Variants in ZNF44 observed in about 807,000 individuals in gnomAD.
ZNF44 encodes the protein zinc finger protein 44, also known as gonadotropin inducible transcription repressor-2.
In ZNF44, 9 loss-of-function variants were observed where a neutral mutation model predicts 11.7. The observed-to-expected ratio is 0.77, with a 90% CI of 0.46 to 1.35. The LOEUF is 1.35. ZNF44 is among the 40% of genes most tolerant of loss of function. ZNF44 has a pLI of 0.00. For missense variants in ZNF44, 696 were observed against 743.1 expected (o/e 0.94, Z 0.74); for synonymous variants, 224 against 242.7 (o/e 0.92, Z 0.72).
chr19:12,236,965 A>T (rs1444915550), intron 1 of ZNF44: 1 of 152,242 alleles, frequency 6.6e-6, no homozygotes, highest in Non-Finnish European at 1.5e-5. Context: ...CATACACCTT[A>T]TAAAAGCCTT....
intron 1 of ZNF44, chr19:12,284,653 G>A (rs1315655198): frequency 9.3e-6 from 7 of 756,522 alleles, no homozygotes; most frequent in Admixed American, 2.0e-5. Flanking sequence ...AAGCAGACCC[G>A]TGCCGGCCAG....
chr19:12,267,618 A>ATTT (rs1917783247), downstream of ZNF44, among the ~76,000 whole-genome samples: 1 of 152,038 alleles, frequency 6.6e-6, no homozygotes, highest in African/African-American at 2.4e-5. Flanking sequence ...TGAGGCAGAG[A>ATTT]AACCTAAGGA....
chr19:12,285,163 C>T, intron 1 of ZNF44: 4 of 560,272 alleles, frequency 7.1e-6, no homozygotes, highest in Non-Finnish European at 1.3e-5. Context: ...AGGACCCAGG[C>T]TCCAGCTGTG....
In ZNF44 at chr19:12,294,676, G is replaced by T; in HGVS notation, c.3+16C>A. On this transcript the variant is annotated intron_variant, in intron 1 of 3. Coordinates refer to ENST00000355684, the MANE Select transcript of ZNF44 (RefSeq NM_016264.4). ...CCCTTCGCCCTGCCTCAGGACGCCG[G>T]GCCCCGCACACTCACCATTTCCCGG... The T allele has an allele frequency of 6.4e-7, 1 of 1,559,858 alleles. No individual in the cohort carries two copies. The highest frequency in any genetic ancestry group is 8.7e-7 in the Non-Finnish European group (1 of 1,153,048).
At chr19:12,290,945 A>C (rs1967984942) in intron 1 of ZNF44, 1 of 191,220 alleles carries the variant, frequency 5.2e-6, no homozygotes, top group Non-Finnish European at 1.1e-5. Context: ...GTGGATTTAA[A>C]ACATAAAACA....
chr19:12,292,464 T>C (rs908653388), intron 1 of ZNF44, among the ~76,000 whole-genome samples: 2 of 152,108 alleles, frequency 1.3e-5, no homozygotes, highest in Non-Finnish European at 2.9e-5. Flanking sequence ...AAAAATTAAA[T>C]TGGAAATAAC....
At chr19:12,249,590 T>C (rs1415339808) in intron 7 of ZNF44, among the ~76,000 whole-genome samples, 1 of 152,132 alleles carries the variant, frequency 6.6e-6, no homozygotes, top group Admixed American at 6.5e-5. Flanking sequence ...TTCACTCTTG[T>C]TGCCCAGGCT....
chr19:12,277,247 T>C (rs1204552566), intron 1 of ZNF44, among the ~76,000 whole-genome samples: 1 of 152,228 alleles, frequency 6.6e-6, no homozygotes, highest in Non-Finnish European at 1.5e-5. Flanking sequence ...AGCTGGTGAC[T>C]GGTTCCCTGT....
chr19:12,241,649 C>T (rs896901613), upstream of ZNF44, among the ~76,000 whole-genome samples: 6 of 152,108 alleles, frequency 3.9e-5, no homozygotes, highest in East Asian at 1.9e-4. Flanking sequence ...GAGCCAAGAT[C>T]GCACCACTGC....
In ZNF44 at chr19:12,272,271, G is replaced by T; in HGVS notation, c.*136C>A. 7.6e-7 allele frequency: 1 copy of T among 1,320,300 alleles called. No homozygotes were observed. The highest frequency in any genetic ancestry group is 9.6e-7 in the Non-Finnish European group (1 of 1,037,528). The allele number at this position is 1,320,300 out of a possible 1,614,324, so 81.8% of individuals were successfully genotyped here. A position where few individuals can be genotyped will look rare whatever the true frequency, so the allele number is the denominator to read the frequency against. ...GCCCTCCTCGGCCTCTCAAAGTGCTGGGATTACAGGTGTGAGCCGCTGCGC... is the reference window on the plus strand; with the variant it reads ...GCCCTCCTCGGCCTCTCAAAGTGCTTGGATTACAGGTGTGAGCCGCTGCGC... On this transcript the variant is annotated 3_prime_UTR_variant, in exon 4 of 4. Transcript: ENST00000355684.
At chr19:12,294,415 G>A (rs56832217) in intron 1 of ZNF44, among the ~76,000 whole-genome samples, 27,711 of 152,260 alleles carry the variant, frequency 0.18, 2,607 homozygotes, top group East Asian at 0.28. Flanking sequence ...CACAATCTGG[G>A]GAGAAGCGGG....
At chr19:12,254,536 T>TA (rs1444114176) in intron 5 of ZNF44, among the ~76,000 whole-genome samples, 2 of 151,942 alleles carry the variant, frequency 1.3e-5, no homozygotes, top group African/African-American at 4.8e-5. Context: ...AGTTCGAGAC[T>TA]ACTCTGGCCA....
At position 12,294,673 on chromosome 19, in the gene ZNF44, C is replaced by T; in HGVS notation, c.3+19G>A. Reference sequence around the variant, plus strand: ...CAGCCCTTCGCCCTGCCTCAGGACGCCGGGCCCCGCACACTCACCATTTCC... The same window carrying T: ...CAGCCCTTCGCCCTGCCTCAGGACGTCGGGCCCCGCACACTCACCATTTCC... On this transcript the variant is annotated intron_variant, in intron 1 of 3. Transcript: ENST00000355684. 6.4e-7 allele frequency: 1 copy of T among 1,559,064 alleles called. No homozygotes were observed. The highest frequency in any genetic ancestry group is 1.2e-5 in the South Asian group (1 of 84,436).
chr19:12,243,745 ATT>A (rs1916693487), downstream of ZNF44, among the ~76,000 whole-genome samples: 1 of 147,800 alleles, frequency 6.8e-6, no homozygotes, highest in East Asian at 2.0e-4. Context: ...GAACCTCCAT[ATT>A]GTTTTTCACA....
chr19:12,284,217 C>G (rs1967617053), intron 1 of ZNF44: 1 of 294,276 alleles, frequency 3.4e-6, no homozygotes, highest in South Asian at 5.5e-5. Context: ...GTATGTTCAA[C>G]ATGAATGCTA....
intron 1 of ZNF44, among the ~76,000 whole-genome samples, chr19:12,288,356 GCAATTTCACT>G (rs1205769815): frequency 6.6e-6 from 1 of 152,032 alleles, no homozygotes; most frequent in East Asian, 1.9e-4. Flanking sequence ...TTTAATTTGT[GCAATTTCACT>G]CTAATTAAAC....
intron 5 of ZNF44, among the ~76,000 whole-genome samples, chr19:12,251,529 C>G (rs1916995989): frequency 1.3e-5 from 2 of 152,008 alleles, no homozygotes; most frequent in African/African-American, 4.8e-5. Flanking sequence ...TTCTTTCTGT[C>G]CCATTTCATG....
At chr19:12,264,579 T>C (rs913266367) in intron 5 of ZNF44, among the ~76,000 whole-genome samples, 1 of 152,260 alleles carries the variant, frequency 6.6e-6, no homozygotes, top group African/African-American at 2.4e-5. Context: ...TATCTATTCC[T>C]TTTGGAAAAT....
chr19:12,234,010 T>C (rs1490399726), intron 2 of ZNF44, among the ~76,000 whole-genome samples: 1 of 150,556 alleles, frequency 6.6e-6, no homozygotes, highest in Non-Finnish European at 1.5e-5. Context: ...TGCAGTGAGC[T>C]GAGATCGCGC....
Sources: gnomAD v4.1 joint callset for allele counts (sites outside exome capture counted in the v4.1 genomes callset) on GRCh38, gnomAD v4.1.1 for gene constraint, MANE v1.5 for transcripts, NCBI Gene and HGNC (gene_info 2026-07-23, HGNC 2026-07-21) for gene names.